Variants in RAB7A observed in about 807,000 individuals in gnomAD.
The protein encoded by RAB7A is RAB7A, member RAS oncogene family.
RAB7A carries 2 observed loss-of-function variants against 24.5 expected under a neutral mutation model. The observed-to-expected ratio is 0.08, with a 90% CI of 0.03 to 0.26. The LOEUF is 0.26. Ranked by LOEUF, RAB7A falls within the 10% of genes least tolerant of loss-of-function variation. The probability of loss-of-function intolerance (pLI) is 1.00; values close to 1 mark genes in which losing one functional copy is unlikely to be tolerated. For missense variants in RAB7A, 118 were observed against 255.7 expected (o/e 0.46, Z 3.67); for synonymous variants, 100 against 95.9 (o/e 1.04, Z -0.25).
intron 1 of RAB7A, among the ~76,000 whole-genome samples, chr3:128,743,954 A>G (rs2070583059): frequency 6.6e-6 from 1 of 151,774 alleles, no homozygotes; most frequent in Non-Finnish European, 1.5e-5. Context: ...ACACCCAGCT[A>G]ACTTGTGTAT....
intron 2 of RAB7A, among the ~76,000 whole-genome samples, chr3:128,795,731 C>CATCTGGCGT (rs1393715689): frequency 8.5e-6 from 1 of 118,104 alleles, no homozygotes; most frequent in Non-Finnish European, 1.9e-5. Context: ...TTGCCATTGG[C>CATCTGGCGT]ATCTGGCGTA....
chr3:128,796,275 C>G (rs1214032726), intron 2 of RAB7A, among the ~76,000 whole-genome samples: 1 of 151,948 alleles, frequency 6.6e-6, no homozygotes, highest in African/African-American at 2.4e-5. Flanking sequence ...ATTGCTTGAG[C>G]CCAGGAGTTG....
At chr3:128,795,188 G>C in intron 1 of RAB7A, 172 bp from the exon 2 acceptor site, 1 of 675,666 alleles carries the variant, frequency 1.5e-6, no homozygotes, top group Non-Finnish European at 2.7e-6. Flanking sequence ...TGGGTCCAGA[G>C]TTTTGGTGAG....
chr3:128,747,629 A>T (rs1278931280), intron 1 of RAB7A, among the ~76,000 whole-genome samples: 1 of 151,746 alleles, frequency 6.6e-6, no homozygotes, highest in East Asian at 1.9e-4. Context: ...TGAAATGAAA[A>T]GAAAATGAAT....
intron 1 of RAB7A, among the ~76,000 whole-genome samples, chr3:128,777,580 T>G (rs879411962): frequency 6.6e-6 from 1 of 152,206 alleles, no homozygotes; most frequent in Non-Finnish European, 1.5e-5. Context: ...TCCAATCTGA[T>G]GAAACTAAAC....
At chr3:128,797,191 T>A (rs1933595400) in intron 2 of RAB7A, among the ~76,000 whole-genome samples, 1 of 152,210 alleles carries the variant, frequency 6.6e-6, no homozygotes. Context: ...ATGGTCTGGG[T>A]TGGAAAACAC....
chr3:128,804,266 C>T (rs1933758058), intron 3 of RAB7A, among the ~76,000 whole-genome samples: 1 of 152,208 alleles, frequency 6.6e-6, no homozygotes. Context: ...AGCCACTGTG[C>T]ATGCACTAGA....
intron 3 of RAB7A, among the ~76,000 whole-genome samples, chr3:128,800,199 A>G (rs1263882922): frequency 6.6e-6 from 1 of 152,246 alleles, no homozygotes; most frequent in Non-Finnish European, 1.5e-5. Context: ...AAAAAAAGAC[A>G]TGACTTATAA....
intron 3 of RAB7A, among the ~76,000 whole-genome samples, chr3:128,803,494 C>T (rs1933739631): frequency 6.6e-6 from 1 of 152,118 alleles, no homozygotes; most frequent in Non-Finnish European, 1.5e-5. Context: ...GTAGAAACTG[C>T]CACTCTGCTC....
chr3:128,789,229 C>T (rs2107608289), intron 1 of RAB7A, among the ~76,000 whole-genome samples: 1 of 152,048 alleles, frequency 6.6e-6, no homozygotes, highest in South Asian at 2.1e-4. Flanking sequence ...GTAACTCTTT[C>T]TTCCTTTCTA....
intron 5 of RAB7A, among the ~76,000 whole-genome samples, chr3:128,807,917 C>T (rs1933839631): frequency 6.6e-6 from 1 of 152,178 alleles, no homozygotes; most frequent in Non-Finnish European, 1.5e-5. Context: ...TTTTACTAGG[C>T]TTGTTCTTAT....
intron 1 of RAB7A, among the ~76,000 whole-genome samples, chr3:128,750,197 CT>C (rs1460727600): frequency 1.3e-5 from 2 of 152,328 alleles, no homozygotes; most frequent in South Asian, 2.1e-4. Context: ...CATTTTGCCC[CT>C]GACCTAGAAA....
At chr3:128,773,033 G>A (rs1172755711) in intron 1 of RAB7A, among the ~76,000 whole-genome samples, 2 of 152,030 alleles carry the variant, frequency 1.3e-5, no homozygotes, top group Admixed American at 1.3e-4. Context: ...AGTGAGGAGC[G>A]TCTCTGCCTG....
chr3:128,790,500 G>A (rs1325885228), intron 1 of RAB7A, among the ~76,000 whole-genome samples: 1 of 152,138 alleles, frequency 6.6e-6, no homozygotes, highest in Non-Finnish European at 1.5e-5. Flanking sequence ...GCTAATATTT[G>A]TGTATATTCC....
intron 1 of RAB7A, among the ~76,000 whole-genome samples, chr3:128,794,941 A>G (rs1438815561): frequency 6.6e-6 from 1 of 152,038 alleles, no homozygotes; most frequent in Non-Finnish European, 1.5e-5. Flanking sequence ...CAAGCAGAGT[A>G]ACGGGATAGA....
intron 1 of RAB7A, among the ~76,000 whole-genome samples, chr3:128,741,547 A>C (rs1020813470): frequency 1.3e-5 from 2 of 151,714 alleles, no homozygotes; most frequent in African/African-American, 2.4e-5. Flanking sequence ...TTTTATTTTA[A>C]ATAGATTTAT....
chr3:128,748,627 G>A (rs2070645149), intron 1 of RAB7A: 1 of 152,234 alleles, frequency 6.6e-6, no homozygotes, highest in Non-Finnish European at 1.5e-5. Context: ...TGAACCCCAT[G>A]GACACCATGA....
At position 128,810,818 on chromosome 3, in the gene RAB7A, C is replaced by T. The variant is rs540775282; in HGVS notation, c.529-2509C>T. Reference sequence around the variant, plus strand: ...CCTGTAATCCCAGCACTTCGGGAGGCTGAGGCGGGTGGATCACCTTAGGTC... The same window carrying T: ...CCTGTAATCCCAGCACTTCGGGAGGTTGAGGCGGGTGGATCACCTTAGGTC... On this transcript the variant is annotated intron_variant, in intron 5 of 5. Coordinates refer to ENST00000265062, the MANE Select transcript of RAB7A (RefSeq NM_004637.6). Among the ~76,000 whole-genome samples the T allele has an allele frequency of 3.3e-5, 5 of 151,728 alleles. No individual in the cohort carries two copies. The South Asian group carries it at 1.0e-3, about 31-fold the overall frequency.
intron 3 of RAB7A, among the ~76,000 whole-genome samples, chr3:128,799,975 T>A (rs1933663495): frequency 6.6e-6 from 1 of 151,740 alleles, no homozygotes; most frequent in Non-Finnish European, 1.5e-5. Flanking sequence ...ATAGAAACCA[T>A]AATGGAAAGG....
Sources: allele counts gnomAD v4.1 joint callset (sites outside exome capture counted in the v4.1 genomes callset), GRCh38; gene constraint gnomAD v4.1.1; transcripts MANE v1.5; gene names NCBI Gene and HGNC (gene_info 2026-07-23, HGNC 2026-07-21).